AKAP10: variants seen among roughly 807,000 people sequenced by gnomAD.
AKAP10 encodes the protein A-kinase anchoring protein 10.
Under a neutral mutation model 80.8 loss-of-function variants are expected in AKAP10, and 24 were observed. That is an observed-to-expected ratio of 0.30 (90% confidence interval 0.22 to 0.42). AKAP10 has a LOEUF of 0.42. AKAP10 is among the 10% of genes least tolerant of loss of function. AKAP10 has a pLI of 1.00. For missense variants in AKAP10, 661 were observed against 794.9 expected (o/e 0.83, Z 2.03); for synonymous variants, 291 against 277.7 (o/e 1.05, Z -0.48).
intron 3 of AKAP10, among the ~76,000 whole-genome samples, chr17:19,962,160 A>G (rs2043357709): frequency 6.6e-6 from 1 of 152,090 alleles, no homozygotes. Context: ...TATACTCCAG[A>G]GCATGCGTAT....
intron 11 of AKAP10, among the ~76,000 whole-genome samples, chr17:19,921,889 A>G (rs898219209): frequency 6.6e-6 from 1 of 152,202 alleles, no homozygotes; most frequent in African/African-American, 2.4e-5. Context: ...ACGGAATACT[A>G]CAGTGTAGTT....
chr17:19,962,840 C>T lies in AKAP10; in HGVS notation c.319G>A (p.Gly107Ser), dbSNP rs751635375. 2 of 1,611,398 alleles carry T rather than the reference C, an allele frequency of 1.2e-6. No homozygotes were observed. The highest frequency in any genetic ancestry group is 2.2e-5 in the East Asian group (1 of 44,848). Residue 107 changes from glycine to serine, a missense_variant and splice_region_variant, in exon 3 of 15, where the codon GGC becomes AGC. Coordinates refer to ENST00000225737, the MANE Select transcript of AKAP10 (RefSeq NM_007202.4). ...TTAATAAAAAATGATAGTTACTTAC[C>T]CAGGTCACCAAAATGAGCGGCCTCC... is the stretch of plus-strand genomic sequence containing the variant. The part of the protein sequence containing the change: ...HMEAAHFGDL[G>S]RSCLDYQTQE...
chr17:19,909,003 T>C (rs1051214358), intron 14 of AKAP10, among the ~76,000 whole-genome samples, 178 bp downstream of exon 14: 2 of 152,264 alleles, frequency 1.3e-5, no homozygotes, highest in Non-Finnish European at 2.9e-5. Context: ...TTGCCCATTG[T>C]CCAATATATG....
At chr17:19,959,274 G>A (rs2043320674) in intron 3 of AKAP10, among the ~76,000 whole-genome samples, 1 of 152,114 alleles carries the variant, frequency 6.6e-6, no homozygotes, top group Admixed American at 6.6e-5. Context: ...AACATAAAAT[G>A]CATTTTTGTC....
chr17:19,906,098 TCTCCTG>T lies in AKAP10; in HGVS notation c.*123_*128del. The T allele has an allele frequency of 2.0e-6, 2 of 1,018,754 alleles. No individual in the cohort carries two copies. The highest frequency in any genetic ancestry group is 5.0e-5 in the East Asian group (2 of 40,090). The allele number at this position is 1,018,754 out of a possible 1,614,324, so 63.1% of individuals were successfully genotyped here. On this transcript the variant is annotated 3_prime_UTR_variant, in exon 15 of 15. Transcript: ENST00000225737. ...GGAAGTCTAGGATTGTCTCCCATTC[TCTCCTG>T]GAAACAACAGTGACAGATCAGAAAT...
At chr17:19,966,564 G>C (rs539671066) in intron 2 of AKAP10, among the ~76,000 whole-genome samples, 1 of 132,032 alleles carries the variant, frequency 7.6e-6, no homozygotes, top group Non-Finnish European at 1.7e-5. Flanking sequence ...CATCTTGAGG[G>C]GCTGTTTCTT....
intron 10 of AKAP10, among the ~76,000 whole-genome samples, chr17:19,924,757 C>T (rs558405203): frequency 5.5e-4 from 84 of 152,206 alleles, no homozygotes; most frequent in Non-Finnish European, 9.1e-4. Context: ...CCTATAATTC[C>T]TAGGTTGAAG....
intron 6 of AKAP10, 66 bp from the exon 7 acceptor site, chr17:19,941,076 T>A (rs186308697): frequency 3.9e-6 from 6 of 1,520,086 alleles, no homozygotes; most frequent in Non-Finnish European, 5.3e-6. Flanking sequence ...GGGAAAAATA[T>A]ACTCTTTCCA....
intron 4 of AKAP10, among the ~76,000 whole-genome samples, chr17:19,948,691 A>G (rs2043164405): frequency 6.6e-6 from 1 of 152,178 alleles, no homozygotes; most frequent in Admixed American, 6.5e-5. Context: ...TGTCAGGGAC[A>G]TCACAGAAAA....
intron 4 of AKAP10, among the ~76,000 whole-genome samples, chr17:19,950,181 T>G (rs1289080787): frequency 6.6e-6 from 1 of 152,180 alleles, no homozygotes; most frequent in Admixed American, 6.5e-5. Flanking sequence ...GGCACATGCC[T>G]GCAGTCCCAG....
Position 19,968,452 on chromosome 17 carries a change from T to C in AKAP10, c.98A>G (p.Lys33Arg), listed in dbSNP as rs200187004. 9.3e-6 allele frequency: 15 copies of C among 1,613,800 alleles called. No homozygotes were observed. Among genetic ancestry groups the C allele is most frequent in the East Asian group, 8.9e-5 (4 of 44,866 alleles). Residue 33 changes from lysine to arginine, a missense_variant, in exon 2 of 15, where the codon AAA becomes AGA. Physicochemically the swap from Lys to Arg is conservative, Grantham distance 26 (BLOSUM62 2). Coordinates refer to ENST00000225737, the MANE Select transcript of AKAP10 (RefSeq NM_007202.4). ...CACATCTGAGGTCTTCTCTTGTTCT[T>C]TGCCTTTCACTAGAACATAAAAAGA... ...MSFFRRKVKG[K>R]EQEKTSDVKS... is the part of the protein sequence containing the mutation.
rs559872966 is a variant in AKAP10, at chr17:19,916,635, A to C, written c.1834+3401T>G. Among the ~76,000 whole-genome samples, 150 of 151,716 alleles carry C rather than the reference A, an allele frequency of 9.9e-4. 4 individuals are homozygous for C. In the South Asian group the frequency reaches 0.029, roughly 29 times the overall value. ...TGAGCTGTCAGAGGTATGAGACCAG[A>C]TTAAAAAAAAAAAAAAATCAGGCCA... On this transcript the variant is annotated intron_variant, in intron 12 of 14. Coordinates refer to ENST00000225737, the MANE Select transcript of AKAP10 (RefSeq NM_007202.4).
chr17:19,906,669 C>T (rs561026596), intron 14 of AKAP10, among the ~76,000 whole-genome samples: 4 of 152,236 alleles, frequency 2.6e-5, no homozygotes, highest in South Asian at 4.2e-4. Flanking sequence ...ACAAGGTCCC[C>T]GGTATTGTGG....
intron 9 of AKAP10, among the ~76,000 whole-genome samples, chr17:19,933,731 C>T (rs2042962601): frequency 6.6e-6 from 1 of 152,044 alleles, no homozygotes; most frequent in Non-Finnish European, 1.5e-5. Context: ...TGTCATTCTT[C>T]AGTATTCCTA....
intron 14 of AKAP10, among the ~76,000 whole-genome samples, chr17:19,907,296 G>A (rs1424457284): frequency 6.6e-6 from 1 of 152,086 alleles, no homozygotes; most frequent in East Asian, 1.9e-4. Flanking sequence ...TGGGATTATA[G>A]ACGTGAGCTA....
chr17:19,954,503 G>C (rs1166909030), intron 4 of AKAP10, among the ~76,000 whole-genome samples: 5 of 83,452 alleles, frequency 6.0e-5, no homozygotes, highest in Admixed American at 3.5e-4. Context: ...TTTTTTTTTT[G>C]AGATGGAGTC....
At chr17:19,961,634 T>G (rs994528481) in intron 3 of AKAP10, among the ~76,000 whole-genome samples, 5 of 152,132 alleles carry the variant, frequency 3.3e-5, no homozygotes, top group African/African-American at 4.8e-5. Flanking sequence ...TATGACAACA[T>G]GACATGCAAT....
chr17:19,967,847 C>T (rs1195311278), intron 2 of AKAP10: 1 of 151,660 alleles, frequency 6.6e-6, no homozygotes, highest in Non-Finnish European at 1.5e-5. Context: ...GGCACCACTG[C>T]ACTCCAGCCT....
chr17:19,913,215 G>A (rs2042710276), intron 12 of AKAP10, among the ~76,000 whole-genome samples: 1 of 146,474 alleles, frequency 6.8e-6, no homozygotes, highest in Non-Finnish European at 1.5e-5. Flanking sequence ...GTTCAGCGGT[G>A]CAATCTCAGC....
Sources: gnomAD v4.1 joint callset for allele counts (sites outside exome capture counted in the v4.1 genomes callset) on GRCh38, gnomAD v4.1.1 for gene constraint, MANE v1.5 for transcripts, NCBI Gene and HGNC (gene_info 2026-07-23, HGNC 2026-07-21) for gene names.